The following USP13 variants were observed in gnomAD, a reference collection of about 807,000 sequenced individuals.
The protein encoded by USP13 is ubiquitin specific peptidase 13.
USP13 carries 68 observed loss-of-function variants against 107.8 expected under a neutral mutation model. The ratio of observed to expected loss-of-function variants is 0.63; its 90% CI spans 0.52 to 0.77. USP13 has a LOEUF of 0.77. USP13 is among the 30% of genes least tolerant of loss of function. USP13 has a pLI of 0.00. For missense variants in USP13, 945 were observed against 1,093.3 expected, an observed-to-expected ratio of 0.86 and a Z score of 1.91; for synonymous variants, 377 against 389.5, an observed-to-expected ratio of 0.97 and a Z score of 0.38.
chr3:179,715,521 C>T (rs1043864577), intron 6 of USP13, among the ~76,000 whole-genome samples: 4 of 151,754 alleles, frequency 2.6e-5, no homozygotes, highest in African/African-American at 4.8e-5. Context: ...CGCACAACCA[C>T]GCCCAGCTAA....
intron 8 of USP13, among the ~76,000 whole-genome samples, chr3:179,728,714 C>T (rs1303922983): frequency 6.6e-6 from 1 of 152,202 alleles, no homozygotes; most frequent in Non-Finnish European, 1.5e-5. Flanking sequence ...GTGAAGGAGA[C>T]TCCGTCTGCA....
chr3:179,672,390 CTTT>C (rs1231843720), intron 1 of USP13, among the ~76,000 whole-genome samples: 1 of 139,390 alleles, frequency 7.2e-6, no homozygotes. Context: ...CTTTTTTTTT[CTTT>C]TTTTTTTTTT....
intron 1 of USP13, among the ~76,000 whole-genome samples, chr3:179,679,649 T>C (rs1487485966): frequency 1.3e-5 from 2 of 152,160 alleles, no homozygotes; most frequent in Non-Finnish European, 2.9e-5. Context: ...AATTCAGACA[T>C]ATCCTTGACT....
chr3:179,679,798 T>G lies in USP13; in HGVS notation c.169-2080T>G, dbSNP rs1440240793. Among the ~76,000 whole-genome samples the G allele has an allele frequency of 8.7e-5, 5 of 57,200 alleles. No individual in the cohort carries two copies. In the East Asian group the frequency reaches 2.6e-3, roughly 29 times the overall value. 37.5% of individuals were successfully genotyped at this position (57,200 alleles called of 152,430 possible). ...TGGGTAAGTGACCTATCCTTAGTTTTTTTTTTTTTTTTTTTTTTTTTTTGA... is the reference window on the plus strand; with the variant it reads ...TGGGTAAGTGACCTATCCTTAGTTTGTTTTTTTTTTTTTTTTTTTTTTTGA... On this transcript the variant is annotated intron_variant, in intron 1 of 20. Coordinates refer to ENST00000263966, the MANE Select transcript of USP13 (RefSeq NM_003940.3).
At chr3:179,730,383 A>C in intron 9 of USP13, 123 bp downstream of exon 9, 1 of 1,093,360 alleles carries the variant, frequency 9.1e-7, no homozygotes, top group Middle Eastern at 2.9e-4. Flanking sequence ...AAGTGTTCCA[A>C]AATGAGAATG....
chr3:179,660,937 T>G (rs1720439531), intron 1 of USP13, among the ~76,000 whole-genome samples: 1 of 152,208 alleles, frequency 6.6e-6, no homozygotes, highest in Non-Finnish European at 1.5e-5. Context: ...TTTATACTCT[T>G]TAACTATTTT....
intron 3 of USP13, among the ~76,000 whole-genome samples, chr3:179,693,437 G>A (rs1163151710): frequency 6.6e-6 from 1 of 151,636 alleles, no homozygotes; most frequent in Non-Finnish European, 1.5e-5. Context: ...ACATGTGTGA[G>A]CTGCTGTGCC....
At position 179,655,548 on chromosome 3, in the gene USP13, G is replaced by GTTTTTTTTTTT. The variant is rs150977876; in HGVS notation, c.168+2163_168+2164insTTTTTTTTTTT. Among the ~76,000 whole-genome samples the GTTTTTTTTTTT allele has an allele frequency of 6.6e-4, 87 of 131,316 alleles. 4 individuals carry two copies. The highest frequency in any genetic ancestry group is 1.9e-3 in the African/African-American group (56 of 29,904). 86.1% of individuals were successfully genotyped at this position (131,316 alleles called of 152,430 possible). A position where few individuals can be genotyped will look rare whatever the true frequency, so the allele number is the denominator to read the frequency against. On this transcript the variant is annotated intron_variant, in intron 1 of 20. Transcript: ENST00000263966. ...AAGCACAGTGCGTGATAATGGGAAG[G>GTTTTTTTTTTT]TTTTTTTTGTTTTGTTTTGTTTTTT...
chr3:179,754,491 CT>C (rs1291177401), intron 14 of USP13, among the ~76,000 whole-genome samples: 5 of 152,162 alleles, frequency 3.3e-5, no homozygotes, highest in Admixed American at 2.6e-4. Context: ...AATTTGTAAC[CT>C]CAGGCTTAAA....
At position 179,721,320 on chromosome 3, in the gene USP13, G is replaced by A; in HGVS notation, c.901-82G>A. On this transcript the variant is annotated intron_variant, in intron 7 of 20. Coordinates refer to ENST00000263966, the MANE Select transcript of USP13 (RefSeq NM_003940.3). This position sits in a 1 kb window ranked among gnomAD's most constrained non-coding sequence, Gnocchi z 4.3. The stretch of plus-strand genomic sequence containing the variant: ...GAAAAAAATGGCAGAAACATCCTAT[G>A]CTGTTAGAAATAATTAACGGGACAT... 1 of 1,461,484 alleles carries A rather than the reference G, an allele frequency of 6.8e-7. No individual in the cohort carries two copies. The highest frequency in any genetic ancestry group is 9.3e-7 in the Non-Finnish European group (1 of 1,076,600). 90.5% of individuals were successfully genotyped at this position (1,461,484 alleles called of 1,614,324 possible).
rs372764728 is a variant in USP13, at chr3:179,669,493, T to A, written c.169-12385T>A. Among the ~76,000 whole-genome samples the A allele has an allele frequency of 1.3e-4, 20 of 151,768 alleles. No individual in the cohort carries two copies. The East Asian group carries it at 3.1e-3, about 24-fold the overall frequency. On this transcript the variant is annotated intron_variant, in intron 1 of 20. Transcript: ENST00000263966. The stretch of plus-strand genomic sequence containing the variant: ...AAATTAAATAAATAAATAAAAAAAA[T>A]AATATCCTGACACTGCCCGTTTCCC...
rs1283895271 is a variant in USP13, at chr3:179,684,251, G to A, written c.294+2248G>A. 2.1e-5 allele frequency among the ~76,000 whole-genome samples: 3 copies of A among 146,192 alleles called. No individual in the cohort carries two copies. The Admixed American group carries it at 2.1e-4, about 10-fold the overall frequency. ...TGGGATTACAGGTATGAGCCACCAC[G>A]CCTGGCAGTATCACCCTTTACACAC... On this transcript the variant is annotated intron_variant, in intron 2 of 20. Transcript: ENST00000263966.
chr3:179,695,557 G>A (rs901640833), intron 3 of USP13, among the ~76,000 whole-genome samples: 1 of 151,146 alleles, frequency 6.6e-6, no homozygotes, highest in Non-Finnish European at 1.5e-5. Context: ...AACTAGCAAC[G>A]ACAATTATTG....
chr3:179,765,362 C>T (rs1329912862), intron 18 of USP13, among the ~76,000 whole-genome samples: 1 of 152,192 alleles, frequency 6.6e-6, no homozygotes, highest in Non-Finnish European at 1.5e-5. Flanking sequence ...TAAACAAATG[C>T]CATACCCTTG....
Position 179,730,226 on chromosome 3 carries a change from C to T in USP13, c.1126C>T (p.Pro376Ser). The change falls in exon 9 of 21, where the codon CCT (proline) becomes TCT (serine). Residue 376 changes from proline (P) to serine (S), a missense_variant. Coordinates refer to ENST00000263966, the MANE Select transcript of USP13 (RefSeq NM_003940.3). ...GNLPRIFDYS[P>S]LDPTQDFNTQ... Reference sequence around the variant, plus strand: ...CCTTCCCAGAATATTTGACTACTCGCCTTTAGATCCAACACAAGATTTCAA... The same window carrying T: ...CCTTCCCAGAATATTTGACTACTCGTCTTTAGATCCAACACAAGATTTCAA... The T allele has an allele frequency of 6.2e-7, 1 of 1,613,322 alleles. No homozygotes were observed. The highest frequency in any genetic ancestry group is 8.5e-7 in the Non-Finnish European group (1 of 1,179,826).
At chr3:179,765,970 C>G in intron 19 of USP13, 122 bp downstream of exon 19, 1 of 981,210 alleles carries the variant, frequency 1.0e-6, no homozygotes, top group Non-Finnish European at 1.4e-6. Context: ...CAGATCCCAT[C>G]TTCTTCGTTT....
At chr3:179,752,191 C>T in intron 13 of USP13, 94 bp from the exon 14 acceptor site, 1 of 1,075,774 alleles carries the variant, frequency 9.3e-7, no homozygotes. Flanking sequence ...TTGGAATGGC[C>T]AGGTGTGCCT....
intron 1 of USP13, among the ~76,000 whole-genome samples, chr3:179,655,918 T>C (rs559585608): frequency 6.6e-6 from 1 of 152,338 alleles, no homozygotes; most frequent in East Asian, 1.9e-4. Context: ...GCACCTACTA[T>C]GTGCCATCTC....
intron 19 of USP13, among the ~76,000 whole-genome samples, chr3:179,779,094 C>A (rs75531191): frequency 6.6e-6 from 1 of 152,002 alleles, no homozygotes; most frequent in African/African-American, 2.4e-5. Flanking sequence ...GCCAAGGTAG[C>A]TGGACCAGAG....
Sources: allele counts gnomAD v4.1 joint callset (sites outside exome capture counted in the v4.1 genomes callset), GRCh38; gene constraint gnomAD v4.1.1; non-coding constraint Gnocchi (gnomAD v3.1); transcripts MANE v1.5; gene names NCBI Gene and HGNC (gene_info 2026-07-23, HGNC 2026-07-21).